The following EPHA6 variants were observed in gnomAD, a reference collection of about 807,000 sequenced individuals.
The protein encoded by EPHA6 is EPH receptor A6.
In EPHA6, 50 loss-of-function variants were observed where a neutral mutation model predicts 112.0. That is an observed-to-expected ratio of 0.45 (90% CI 0.36 to 0.56). The LOEUF is 0.56. EPHA6 is among the 20% of genes least tolerant of loss of function. The probability of loss-of-function intolerance (pLI) is 0.00; values close to 1 mark genes in which losing one functional copy is unlikely to be tolerated. For missense variants in EPHA6, 1,280 were observed against 1,417.4 expected (o/e 0.90, Z 1.56); for synonymous variants, 529 against 490.7 (o/e 1.08, Z -1.03).
intron 10 of EPHA6, among the ~76,000 whole-genome samples, chr3:97,523,645 T>C (rs771288191): frequency 1.2e-4 from 18 of 152,054 alleles, no homozygotes; most frequent in Non-Finnish European, 2.5e-4. Context: ...TATTATACTA[T>C]TACTATTACT....
intron 5 of EPHA6, among the ~76,000 whole-genome samples, chr3:97,299,215 GGGGGAGTGTGTGTGTGTGTGTGTAGT>G (rs1243417879): frequency 6.7e-6 from 1 of 148,806 alleles, no homozygotes; most frequent in African/African-American, 2.5e-5. Flanking sequence ...GTGTGTGTAG[GGGGGAGTGTGTGTGTGTGTGTGTAGT>G]GGGGAGTGTG....
intron 5 of EPHA6, among the ~76,000 whole-genome samples, chr3:97,346,217 A>C (rs2083525056): frequency 6.6e-6 from 1 of 152,146 alleles, no homozygotes; most frequent in South Asian, 2.1e-4. Flanking sequence ...CCATATGTTA[A>C]AATTTTTGAA....
chr3:96,861,775 C>T (rs1365344021), intron 1 of EPHA6, among the ~76,000 whole-genome samples: 2 of 151,934 alleles, frequency 1.3e-5, no homozygotes, highest in Admixed American at 6.6e-5. Context: ...AGTACACCTA[C>T]TAAACAAATA....
Position 97,035,593 on chromosome 3 carries a change from C to A in EPHA6, c.1114+47600C>A, listed in dbSNP as rs182000860. Among the ~76,000 whole-genome samples, 13 of 151,850 alleles carry A rather than the reference C, an allele frequency of 8.6e-5. No individual in the cohort carries two copies. In the East Asian group the frequency reaches 2.5e-3, roughly 29 times the overall value. Reference sequence around the variant, plus strand: ...TACAGTTCTATTTTTGAGATTTTGGCCTTCAACACTATAGGATTTTTGTAG... The same window carrying A: ...TACAGTTCTATTTTTGAGATTTTGGACTTCAACACTATAGGATTTTTGTAG... On this transcript the variant is annotated intron_variant, in intron 3 of 17. Transcript: ENST00000389672.
At chr3:97,542,784 A>G (rs2092882015) in intron 11 of EPHA6, among the ~76,000 whole-genome samples, 2 of 152,204 alleles carry the variant, frequency 1.3e-5, no homozygotes, top group Admixed American at 1.3e-4. Flanking sequence ...AATGATCGCC[A>G]TTCTAACTGG....
chr3:97,213,096 G>T (rs913641592), intron 3 of EPHA6, among the ~76,000 whole-genome samples: 2 of 152,166 alleles, frequency 1.3e-5, no homozygotes, highest in African/African-American at 4.8e-5. Context: ...AAGCCCAAGA[G>T]TTCATAAACA....
At chr3:97,437,150 A>G (rs2089892977) in intron 6 of EPHA6, among the ~76,000 whole-genome samples, 1 of 152,050 alleles carries the variant, frequency 6.6e-6, no homozygotes, top group African/African-American at 2.4e-5. Context: ...CAGGGAAGCC[A>G]AAAGATTGGG....
chr3:97,617,232 G>T (rs1336720833), intron 13 of EPHA6, among the ~76,000 whole-genome samples: 1 of 152,036 alleles, frequency 6.6e-6, no homozygotes, highest in Admixed American at 6.6e-5. Context: ...AATGCTGAGG[G>T]AATTCATCAC....
intron 3 of EPHA6, among the ~76,000 whole-genome samples, chr3:97,183,917 G>A (rs1169607259): frequency 2.0e-5 from 3 of 152,056 alleles, no homozygotes; most frequent in Non-Finnish European, 4.4e-5. Context: ...CCTTAGTTCT[G>A]TGTTACACTT....
At chr3:97,455,922 G>T (rs2090669187) in intron 7 of EPHA6, among the ~76,000 whole-genome samples, 1 of 151,902 alleles carries the variant, frequency 6.6e-6, no homozygotes, top group South Asian at 2.1e-4. Flanking sequence ...TGGGAACCAG[G>T]CTTATGTACC....
intron 11 of EPHA6, among the ~76,000 whole-genome samples, chr3:97,563,477 C>T (rs1420688009): frequency 6.6e-6 from 1 of 152,072 alleles, no homozygotes; most frequent in African/African-American, 2.4e-5. Context: ...CTCATAGGGA[C>T]ATATCAGCAA....
intron 2 of EPHA6, among the ~76,000 whole-genome samples, chr3:96,928,789 A>C (rs1374461563): frequency 1.3e-5 from 2 of 152,126 alleles, no homozygotes; most frequent in Non-Finnish European, 2.9e-5. Context: ...TTGCTTTATG[A>C]ATCTGGGTGC....
chr3:96,975,740 C>T (rs2042496094), intron 2 of EPHA6, among the ~76,000 whole-genome samples: 1 of 152,102 alleles, frequency 6.6e-6, no homozygotes, highest in African/African-American at 2.4e-5. Context: ...CTTTGTCATC[C>T]ATCTGTCCAC....
At chr3:97,389,247 C>T (rs1487267393) in intron 5 of EPHA6, among the ~76,000 whole-genome samples, 1 of 152,132 alleles carries the variant, frequency 6.6e-6, no homozygotes, top group Admixed American at 6.6e-5. Flanking sequence ...TGCATACACT[C>T]AGAATGATGC....
At chr3:97,404,378 T>C (rs943779647) in intron 5 of EPHA6, among the ~76,000 whole-genome samples, 3 of 152,162 alleles carry the variant, frequency 2.0e-5, no homozygotes, top group Non-Finnish European at 4.4e-5. Context: ...GTGTTTTAAT[T>C]TGGATTTTAT....
chr3:97,218,994 G>A (rs2078113443), intron 3 of EPHA6, among the ~76,000 whole-genome samples: 1 of 152,142 alleles, frequency 6.6e-6, no homozygotes. Flanking sequence ...TAGTGTGGCA[G>A]TCAAATCTTC....
intron 3 of EPHA6, among the ~76,000 whole-genome samples, chr3:97,192,459 T>A (rs1193300491): frequency 1.3e-5 from 2 of 152,120 alleles, no homozygotes; most frequent in African/African-American, 2.4e-5. Flanking sequence ...ATTTTGCCCA[T>A]TTTTAAACTG....
intron 14 of EPHA6, chr3:97,646,148 A>G (rs1223754016): frequency 6.5e-7 from 1 of 1,534,062 alleles, no homozygotes; most frequent in South Asian, 1.2e-5. Context: ...AAGAGCAATC[A>G]GAACTGGTTA....
At chr3:97,382,566 T>C (rs958374275) in intron 5 of EPHA6, among the ~76,000 whole-genome samples, 3 of 152,070 alleles carry the variant, frequency 2.0e-5, no homozygotes, top group Admixed American at 2.0e-4. Context: ...GTATACCCAG[T>C]AGTGCTCAAT....
Sources: allele counts gnomAD v4.1 joint callset (sites outside exome capture counted in the v4.1 genomes callset), GRCh38; gene constraint gnomAD v4.1.1; transcripts MANE v1.5; gene names NCBI Gene and HGNC (gene_info 2026-07-23, HGNC 2026-07-21).